Variants in STAP2 observed in about 807,000 individuals in gnomAD.
STAP2 encodes the protein signal-transducing adaptor protein 2.
Under a neutral mutation model 52.7 loss-of-function variants are expected in STAP2, and 58 were observed. That is an observed-to-expected ratio of 1.10 (90% CI 0.89 to 1.37). STAP2 has a LOEUF of 1.37. Among genes scored for constraint, STAP2 ranks in the 40% most tolerant of loss-of-function variants. STAP2 has a pLI of 0.00. For missense variants in STAP2, 522 were observed against 519.4 expected, an observed-to-expected ratio of 1.00 and a Z score of -0.05; for synonymous variants, 231 against 210.5, an observed-to-expected ratio of 1.10 and a Z score of -0.84.
rs1253276736 is a variant in STAP2, at chr19:4,335,191, ATCCATCATCCATCCATCCACTCATCCC to A, written c.103-1174_103-1148del. Among the ~76,000 whole-genome samples, 502 of 142,280 alleles carry A rather than the reference ATCCATCATCCATCCATCCACTCATCCC, an allele frequency of 3.5e-3. 3 individuals are homozygous for A. Among genetic ancestry groups the A allele is most frequent in the African/African-American group, 0.013 (481 of 37,542 alleles). 93.3% of individuals were successfully genotyped at this position (142,280 alleles called of 152,430 possible). ...CTACTCATCCATCCATCCCTCATCC[ATCCATCATCCATCCATCCACTCATCCC>A]TCCATCATCCATCCACCTACTCATC... On this transcript the variant is annotated intron_variant, in intron 1 of 12. Transcript: ENST00000594605.
At chr19:4,335,121 A>T (rs569423453) in intron 1 of STAP2, among the ~76,000 whole-genome samples, 2 of 144,312 alleles carry the variant, frequency 1.4e-5, no homozygotes, top group East Asian at 2.1e-4. Flanking sequence ...CCATCCATAC[A>T]TCCATCCACT....
chr19:4,328,855 C>T (rs749784607), intron 5 of STAP2, 46 bp from the exon 6 acceptor site: 4 of 1,593,852 alleles, frequency 2.5e-6, no homozygotes, highest in African/African-American at 2.7e-5. Flanking sequence ...AGACCAAGTC[C>T]GCTCTTCTGC....
chr19:4,332,160 C>G, intron 3 of STAP2, 82 bp from the exon 4 acceptor site: 2 of 1,147,468 alleles, frequency 1.7e-6, no homozygotes. Flanking sequence ...GGAAGAGTCC[C>G]TGCTTCAAAG....
chr19:4,338,757 G>A lies in STAP2; in HGVS notation c.-4C>T, dbSNP rs369864690. On this transcript the variant is annotated 5_prime_UTR_variant, in exon 1 of 13. Transcript: ENST00000594605. Reference sequence around the variant, plus strand: ...GTGGCCTCAGGGCAGAGGCCATGACGGAGCCAGGGTCTTCCGCCTGGCCTC... The same window carrying A: ...GTGGCCTCAGGGCAGAGGCCATGACAGAGCCAGGGTCTTCCGCCTGGCCTC... 2.5e-5 allele frequency: 41 copies of A among 1,608,282 alleles called. No homozygotes were observed. In the African/African-American group the frequency reaches 3.6e-4, roughly 14 times the overall value.
chr19:4,326,974 T>G lies in STAP2; in HGVS notation c.797A>C (p.Asn266Thr), dbSNP rs369729010. 29 of 1,552,498 alleles carry G rather than the reference T, an allele frequency of 1.9e-5. No homozygotes were observed. In the African/African-American group the frequency reaches 2.5e-4, roughly 13 times the overall value. ...YVEADKENGENVWVAPSAPGP... is the reference protein window; with the variant it reads ...YVEADKENGETVWVAPSAPGP... ...CGGAGCGGAGGGCGCCACCCACACATTCTCGCCATTCTCCTTATCGGCTTC... is the reference window on the plus strand; with the variant it reads ...CGGAGCGGAGGGCGCCACCCACACAGTCTCGCCATTCTCCTTATCGGCTTC... Residue 266 changes from asparagine to threonine, a missense_variant, in exon 9 of 13, where the codon AAT (asparagine) becomes ACT (threonine). Transcript: ENST00000594605.
In STAP2 at chr19:4,328,829, C is replaced by T; in HGVS notation, c.456-20G>A. 1 of 1,603,844 alleles carries T rather than the reference C, an allele frequency of 6.2e-7. No individual in the cohort carries two copies. The highest frequency in any genetic ancestry group is 1.1e-5 in the South Asian group (1 of 90,002). ...AAGCACCTGTGGCGGGCCGCGTCAC[C>T]CACTCGGGACCCCGGAGACCAAGTC... On this transcript the variant is annotated intron_variant, in intron 5 of 12. Coordinates refer to ENST00000594605, the MANE Select transcript of STAP2 (RefSeq NM_001013841.2).
At chr19:4,328,913 G>A (rs59196549) in intron 5 of STAP2, 104 bp from the exon 6 acceptor site, 1 of 1,465,644 alleles carries the variant, frequency 6.8e-7, no homozygotes, top group South Asian at 1.3e-5. Context: ...CCATCCCCTA[G>A]GCCCAGGAGA....
rs757983732 is a variant in STAP2 at position 4,328,739 on chromosome 19, G to A, written c.526C>T (p.Leu176=). Residue 176 remains leucine, a synonymous_variant, in exon 6 of 13, where the codon CTG becomes TTG. Transcript: ENST00000594605. ...LERYPECGNL[L]LRPSGDGADG... ...GCGCCGTCCCCGCTGGGCCGCAGCA[G>A]CAGGTTCCCGCACTCGGGGTAGCGC... 3 of 1,609,836 alleles carry A rather than the reference G, an allele frequency of 1.9e-6. No homozygotes were observed. In the South Asian group the frequency reaches 3.3e-5, roughly 18 times the overall value.
intron 1 of STAP2, among the ~76,000 whole-genome samples, chr19:4,335,429 C>G (rs1437401605): frequency 6.6e-6 from 1 of 151,104 alleles, no homozygotes; most frequent in Non-Finnish European, 1.5e-5. Flanking sequence ...CATCCATCCA[C>G]TCCCCCATCC....
intron 9 of STAP2, among the ~76,000 whole-genome samples, chr19:4,326,658 A>G (rs1384256850): frequency 6.6e-6 from 1 of 151,638 alleles, no homozygotes; most frequent in Non-Finnish European, 1.5e-5. Flanking sequence ...CTCTGCCCCC[A>G]TCTTCTCCCG....
intron 3 of STAP2, 90 bp downstream of exon 3, chr19:4,333,604 C>T (rs1200033379): frequency 9.2e-5 from 138 of 1,497,832 alleles, no homozygotes; most frequent in Non-Finnish European, 1.2e-4. Flanking sequence ...GTACTACCTG[C>T]CCCTTCGTGG....
At chr19:4,324,707 C>T (rs1022408592) in intron 11 of STAP2, 178 bp from the exon 12 acceptor site, 9 of 585,630 alleles carry the variant, frequency 1.5e-5, no homozygotes, top group African/African-American at 9.4e-5. Context: ...TGGCAGGTGC[C>T]TGTAATCCCA....
At chr19:4,334,808 A>ATCCATCCACCCAC (rs1468780387) in intron 1 of STAP2, among the ~76,000 whole-genome samples, 2 of 2,788 alleles carry the variant, frequency 7.2e-4, no homozygotes, top group South Asian at 0.011. Context: ...CCATCCCTCC[A>ATCCATCCACCCAC]TCATCCATCC....
At position 4,333,268 on chromosome 19, in the gene STAP2, G is replaced by T. The variant is rs150548847; in HGVS notation, c.297+426C>A. ...CCAGCAGTTTGGGAAGCCGAGGTGG[G>T]TGGATCACCTGAGGTGAGGAGTTCC... On this transcript the variant is annotated intron_variant, in intron 3 of 12. Transcript: ENST00000594605. Among the ~76,000 whole-genome samples, 1,161 of 152,258 alleles carry T rather than the reference G, an allele frequency of 7.6e-3. 11 individuals are homozygous for T. Among genetic ancestry groups the T allele is most frequent in the Admixed American group, 0.015 (222 of 15,280 alleles).
intron 2 of STAP2, 57 bp from the exon 3 acceptor site, chr19:4,333,873 G>A (rs1004207430): frequency 2.2e-5 from 35 of 1,612,794 alleles, no homozygotes; most frequent in African/African-American, 1.1e-4. Context: ...CAGGCCCCCT[G>A]GATGATGTAG....
chr19:4,337,162 G>T (rs1053351827), intron 1 of STAP2, among the ~76,000 whole-genome samples: 4 of 151,886 alleles, frequency 2.6e-5, no homozygotes, highest in African/African-American at 9.7e-5. Context: ...CCAGCAGTTT[G>T]GGAGGCTGAG....
Position 4,325,383 on chromosome 19 carries a change from G to A in STAP2, c.979+13C>T. 1 of 1,614,050 alleles carries A rather than the reference G, an allele frequency of 6.2e-7. No homozygotes were observed. The highest frequency in any genetic ancestry group is 8.5e-7 in the Non-Finnish European group (1 of 1,180,030). On this transcript the variant is annotated intron_variant, in intron 10 of 12. Transcript: ENST00000594605. Reference sequence around the variant, plus strand: ...CCAACCCCCAGCTCTCAGCAGCTCTGTTCCCCACCCACCATCTTGGTTCTC... The same window carrying A: ...CCAACCCCCAGCTCTCAGCAGCTCTATTCCCCACCCACCATCTTGGTTCTC...
In STAP2 at chr19:4,325,469, TG is replaced by T. The variant is rs1243495361; in HGVS notation, c.905del (p.Pro302HisfsTer10). The T allele has an allele frequency of 6.2e-7, 1 of 1,612,474 alleles. No individual in the cohort carries two copies. Among genetic ancestry groups the T allele is most frequent in the African/African-American group, 1.3e-5 (1 of 74,872 alleles). On this transcript the variant is annotated frameshift_variant, in exon 10 of 13. Coordinates refer to ENST00000594605, the MANE Select transcript of STAP2 (RefSeq NM_001013841.2). LOFTEE classifies it high-confidence loss of function. Reference protein sequence around the residue: ...SSQDKLPPLPPLPNQEENYVT... With the variant: ...SSQDKLPPLPXLPNQEENYVT... The stretch of plus-strand genomic sequence containing the variant: ...CGTAGTTCTCTTCCTGGTTCGGTAG[TG>T]GGGGCAGTGGGGGCAGCTTGTCCTG...
intron 3 of STAP2, among the ~76,000 whole-genome samples, chr19:4,332,459 G>C (rs1971909618): frequency 1.3e-5 from 2 of 151,744 alleles, no homozygotes; most frequent in South Asian, 4.2e-4. Flanking sequence ...TTCTGCCTTG[G>C]CGTCCCAAAG....
Sources: allele counts gnomAD v4.1 joint callset (sites outside exome capture counted in the v4.1 genomes callset), GRCh38; gene constraint gnomAD v4.1.1; transcripts MANE v1.5; gene names NCBI Gene and HGNC (gene_info 2026-07-23, HGNC 2026-07-21).